ADAMTS17: variants seen among roughly 807,000 people sequenced by gnomAD.
ADAMTS17 encodes A disintegrin and metalloproteinase with thrombospondin motifs 17.
Under a neutral mutation model 141.5 loss-of-function variants are expected in ADAMTS17, and 113 were observed. The ratio of observed to expected loss-of-function variants is 0.80; its 90% confidence interval spans 0.69 to 0.93. The LOEUF (loss-of-function observed/expected upper bound fraction) is 0.93, where lower values mean the gene tolerates loss of function less well. ADAMTS17 is among the 40% of genes least tolerant of loss of function. The pLI, the probability that ADAMTS17 is intolerant of heterozygous loss-of-function variation, is 0.00. For missense variants in ADAMTS17, 1,659 were observed against 1,517.9 expected (o/e 1.09, Z -1.54); for synonymous variants, 768 against 630.6 (o/e 1.22, Z -3.27).
At chr15:100,148,547 T>C (rs2039016134) in intron 10 of ADAMTS17, among the ~76,000 whole-genome samples, 1 of 152,070 alleles carries the variant, frequency 6.6e-6, no homozygotes. Flanking sequence ...CTTTACAATG[T>C]TTCTCTGTTG....
At chr15:100,319,417 G>T (rs2045661156) in intron 3 of ADAMTS17, among the ~76,000 whole-genome samples, 1 of 152,166 alleles carries the variant, frequency 6.6e-6, no homozygotes, top group Admixed American at 6.5e-5. Flanking sequence ...CACTCCTCAA[G>T]AAATTCAGAA....
At chr15:100,127,116 C>T (rs2037777045) in intron 12 of ADAMTS17, among the ~76,000 whole-genome samples, 1 of 152,114 alleles carries the variant, frequency 6.6e-6, no homozygotes, top group Non-Finnish European at 1.5e-5. Context: ...TGGCCGAGAG[C>T]ACAAAGGAGG....
chr15:100,216,137 G>A lies in ADAMTS17; in HGVS notation c.1076-16714C>T, dbSNP rs2041961576. On this transcript the variant is annotated intron_variant, in intron 7 of 21. Transcript: ENST00000268070. The stretch of plus-strand genomic sequence containing the variant: ...ATTGTTTCATCTCCCCAAGCCTTGT[G>A]CCCCCTTTTGTAAGATGAGATGAAC... Among the ~76,000 whole-genome samples, 5 of 152,126 alleles carry A rather than the reference G, an allele frequency of 3.3e-5. No individual in the cohort carries two copies. The South Asian group carries it at 1.0e-3, about 32-fold the overall frequency.
chr15:100,221,466 T>C (rs1196749045), intron 7 of ADAMTS17, among the ~76,000 whole-genome samples: 1 of 152,240 alleles, frequency 6.6e-6, no homozygotes, highest in Non-Finnish European at 1.5e-5. Context: ...TTGTTCTGAA[T>C]GGTCAGCCGT....
chr15:100,164,727 C>T (rs1204704457), intron 8 of ADAMTS17, among the ~76,000 whole-genome samples: 1 of 152,172 alleles, frequency 6.6e-6, no homozygotes, highest in Non-Finnish European at 1.5e-5. Flanking sequence ...CACTTCAACG[C>T]CTTTATTCCC....
chr15:100,086,300 T>A (rs1314998658), intron 15 of ADAMTS17, among the ~76,000 whole-genome samples: 1 of 151,646 alleles, frequency 6.6e-6, no homozygotes, highest in African/African-American at 2.4e-5. Context: ...GAGCTAACTA[T>A]CCTAAATATA....
intron 7 of ADAMTS17, among the ~76,000 whole-genome samples, chr15:100,251,584 G>T (rs2043155776): frequency 6.6e-6 from 1 of 152,200 alleles, no homozygotes; most frequent in Non-Finnish European, 1.5e-5. Context: ...AATTAGCCAG[G>T]CTTGGTGGCA....
intron 20 of ADAMTS17, 57 bp downstream of exon 20, chr15:99,992,991 G>T: frequency 6.2e-7 from 1 of 1,609,342 alleles, no homozygotes. Flanking sequence ...CTGAGTTCCC[G>T]ACCCTCGAGC....
rs140460381 is a variant in ADAMTS17 at position 100,280,308 on chromosome 15, C to G, written c.789+921G>C. 8.3e-4 allele frequency among the ~76,000 whole-genome samples: 127 copies of G among 152,218 alleles called. 1 individual carries two copies. Among genetic ancestry groups the G allele is most frequent in the African/African-American group, 3.0e-3 (124 of 41,536 alleles). ...GATTTCTCTTGCCTCCTCTTCCTGA[C>G]TCTCCAACCCCCACATCCTGCCAGT... is the stretch of plus-strand genomic sequence containing the variant. On this transcript the variant is annotated intron_variant, in intron 4 of 21. Transcript: ENST00000268070.
chr15:100,020,725 C>G (rs1218844079), intron 18 of ADAMTS17, among the ~76,000 whole-genome samples: 3 of 152,306 alleles, frequency 2.0e-5, no homozygotes, highest in African/African-American at 7.2e-5. Context: ...CCAGGGGCAA[C>G]AGACATCCAG....
intron 3 of ADAMTS17, among the ~76,000 whole-genome samples, chr15:100,309,217 G>A (rs1413080857): frequency 6.6e-6 from 1 of 152,198 alleles, no homozygotes; most frequent in East Asian, 1.9e-4. Flanking sequence ...AGCTGGGCGT[G>A]GTGGCACACA....
intron 6 of ADAMTS17, among the ~76,000 whole-genome samples, chr15:100,257,796 G>A (rs1364393602): frequency 6.6e-6 from 1 of 152,210 alleles, no homozygotes; most frequent in East Asian, 1.9e-4. Context: ...ACCATTGAGT[G>A]TAAAGCTCAG....
intron 4 of ADAMTS17, 94 bp from the exon 5 acceptor site, chr15:100,262,529 G>A: frequency 1.1e-6 from 1 of 900,220 alleles, no homozygotes; most frequent in South Asian, 1.5e-5. Flanking sequence ...ACAGAAAAGA[G>A]ATTATGTAAA....
chr15:100,234,365 A>C (rs974812066), intron 7 of ADAMTS17, among the ~76,000 whole-genome samples: 2 of 152,194 alleles, frequency 1.3e-5, no homozygotes, highest in Admixed American at 1.3e-4. Flanking sequence ...ACCGCCTGGC[A>C]TATGGTAGTC....
chr15:100,030,196 C>T (rs1248269165), intron 18 of ADAMTS17, among the ~76,000 whole-genome samples: 4 of 152,176 alleles, frequency 2.6e-5, no homozygotes, highest in African/African-American at 9.7e-5. Flanking sequence ...AGGGAACATC[C>T]TCTTCCCAGG....
chr15:100,141,680 G>A (rs773694174), intron 10 of ADAMTS17, among the ~76,000 whole-genome samples: 1 of 152,226 alleles, frequency 6.6e-6, no homozygotes. Flanking sequence ...GCTGCCGGGT[G>A]AGGGTGGGGC....
intron 3 of ADAMTS17, among the ~76,000 whole-genome samples, chr15:100,284,459 G>C (rs1277841319): frequency 6.6e-6 from 1 of 152,196 alleles, no homozygotes; most frequent in Non-Finnish European, 1.5e-5. Flanking sequence ...TGTGAGTGCA[G>C]GGCAGAGCTT....
At chr15:100,153,380 C>A (rs1390895752) in intron 9 of ADAMTS17, among the ~76,000 whole-genome samples, 1 of 152,092 alleles carries the variant, frequency 6.6e-6, no homozygotes, top group African/African-American at 2.4e-5. Context: ...GGGGCTCACA[C>A]CAGTAATCCC....
intron 3 of ADAMTS17, among the ~76,000 whole-genome samples, chr15:100,320,267 T>C (rs1006847985): frequency 7.9e-5 from 12 of 151,832 alleles, no homozygotes; most frequent in African/African-American, 2.9e-4. Context: ...GGAGAAGACG[T>C]AGGTAATGGG....
Sources: gnomAD v4.1 joint callset for allele counts (sites outside exome capture counted in the v4.1 genomes callset) on GRCh38, gnomAD v4.1.1 for gene constraint, MANE v1.5 for transcripts, NCBI Gene and HGNC (gene_info 2026-07-23, HGNC 2026-07-21) for gene names.